The following FCRLA variants were observed in gnomAD, a reference collection of about 807,000 sequenced individuals.
The protein encoded by FCRLA is Fc receptor-like A.
A neutral mutation model predicts 28.4 loss-of-function variants in FCRLA; 26 were observed. The ratio of observed to expected loss-of-function variants is 0.91; its 90% CI spans 0.67 to 1.27. The LOEUF is 1.27. Ranked by LOEUF, FCRLA falls within the 50% of genes most tolerant of loss-of-function variation. The pLI, the probability that FCRLA is intolerant of heterozygous loss-of-function variation, is 0.00. For missense variants in FCRLA, 422 were observed against 433.1 expected (o/e 0.97, Z 0.23); for synonymous variants, 174 against 168.5 (o/e 1.03, Z -0.25).
In FCRLA at chr1:161,710,872, C is replaced by T. The variant is rs750222286; in HGVS notation, c.192C>T (p.Ala64=). The change falls in exon 2 of 5, where the codon GCC becomes GCT. Residue 64 remains alanine, a synonymous_variant. Transcript: ENST00000236938. The part of the protein sequence containing the change: ...DAREAGFQVK[A]YTFSEPFHLI... ...GGGAAGCTGGCTTCCAGGTCAAGGC[C>T]TACACTTTCAGTGAACCCTTCCACC... 6.2e-7 allele frequency: 1 copy of T among 1,613,674 alleles called. No homozygotes were observed. The highest frequency in any genetic ancestry group is 8.5e-7 in the Non-Finnish European group (1 of 1,180,034).
intron 4 of FCRLA, 145 bp from the exon 5 acceptor site, chr1:161,712,940 C>T: frequency 1.1e-6 from 1 of 889,912 alleles, no homozygotes; most frequent in Non-Finnish European, 1.7e-6. Flanking sequence ...AAATTTGGAC[C>T]AGGAGGGACA....
In FCRLA at chr1:161,713,284, G is replaced by A. The variant is rs752291578; in HGVS notation, c.984G>A (p.Met328Ile). The A allele has an allele frequency of 6.2e-7, 1 of 1,614,192 alleles. No individual in the cohort carries two copies. The highest frequency in any genetic ancestry group is 2.2e-5 in the East Asian group (1 of 44,894). The change falls in exon 5 of 5, where the codon ATG becomes ATA. Residue 328 changes from methionine to isoleucine, a missense_variant. Met to Ile is a conservative substitution (Grantham distance 10). Around this residue, in one of 3 missense-constraint regions of FCRLA, gnomAD observed 185 missense variants for 198.1 expected, o/e 0.93. Transcript: ENST00000236938. Reference protein sequence around the residue: ...YHQMGLLLKHMQDVRVLLGHL... With the variant: ...YHQMGLLLKHIQDVRVLLGHL... ...AGATGGGCCTTCTTCTCAAACACAT[G>A]CAGGATGTGAGAGTCCTCCTCGGTC... is the stretch of plus-strand genomic sequence containing the variant.
rs900078119 is a variant in FCRLA at position 161,707,403 on chromosome 1, G to A, written c.79+60G>A. The A allele has an allele frequency of 4.0e-6, 6 of 1,506,018 alleles. No individual in the cohort carries two copies. The African/African-American group carries it at 4.2e-5, about 11-fold the overall frequency. The allele number at this position is 1,506,018 out of a possible 1,614,324, so 93.3% of individuals were successfully genotyped here. On this transcript the variant is annotated intron_variant, in intron 1 of 4. Coordinates refer to ENST00000236938, the MANE Select transcript of FCRLA (RefSeq NM_032738.4). ...GAGCTTTGCTTACCTTGGGAGAAAG[G>A]ACCAGAAGGAAAGAAACATGGACTA...
At chr1:161,707,476 G>A in intron 1 of FCRLA, 133 bp downstream of exon 1, 1 of 1,002,002 alleles carries the variant, frequency 1.0e-6, no homozygotes, top group Non-Finnish European at 1.4e-6. Flanking sequence ...AAGAAGGGTA[G>A]GTATAAGAAA....
intron 1 of FCRLA, among the ~76,000 whole-genome samples, chr1:161,708,265 G>C (rs1395984208): frequency 6.6e-6 from 1 of 152,178 alleles, no homozygotes; most frequent in Non-Finnish European, 1.5e-5. Flanking sequence ...AAACAACCCA[G>C]ACTCTTCCTT....
At chr1:161,711,083 C>G in intron 2 of FCRLA, 125 bp from the exon 3 acceptor site, 1 of 1,452,650 alleles carries the variant, frequency 6.9e-7, no homozygotes, top group Non-Finnish European at 9.3e-7. Context: ...GAAGTTGTCC[C>G]ATACTCCCAA....
intron 3 of FCRLA, 57 bp from the exon 4 acceptor site, chr1:161,711,877 G>A (rs1683118019): frequency 6.5e-7 from 1 of 1,535,770 alleles, no homozygotes; most frequent in Non-Finnish European, 8.8e-7. Context: ...TCACCTGCAT[G>A]TGTCTACCTG....
intron 4 of FCRLA, among the ~76,000 whole-genome samples, chr1:161,712,683 C>G (rs1399217351): frequency 6.6e-6 from 1 of 152,098 alleles, no homozygotes; most frequent in East Asian, 1.9e-4. Flanking sequence ...AGATGCTATC[C>G]TGAAGAGGAG....
At position 161,714,281 on chromosome 1, in the gene FCRLA, C is replaced by T. The variant is rs1683247657; in HGVS notation, c.*901C>T. On this transcript the variant is annotated 3_prime_UTR_variant, in exon 5 of 5. Coordinates refer to ENST00000236938, the MANE Select transcript of FCRLA (RefSeq NM_032738.4). ...AAACAGCTGTCGCCAAACACCGACT[C>T]TGTCGTTGCCTTGATCTTGAACTTC... The T allele has an allele frequency of 6.6e-6, 1 of 152,266 alleles. No individual in the cohort carries two copies. The highest frequency in any genetic ancestry group is 1.5e-5 in the Non-Finnish European group (1 of 68,036). The allele number at this position is 152,266 out of a possible 1,614,324, so 9.4% of individuals were successfully genotyped here. A position where few individuals can be genotyped will look rare whatever the true frequency, so the allele number is the denominator to read the frequency against.
intron 4 of FCRLA, among the ~76,000 whole-genome samples, chr1:161,712,680 A>C (rs1157843159): frequency 6.6e-6 from 1 of 152,186 alleles, no homozygotes; most frequent in African/African-American, 2.4e-5. Flanking sequence ...TGGAGATGCT[A>C]TCCTGAAGAG....
intron 3 of FCRLA, 153 bp downstream of exon 3, chr1:161,711,627 A>G (rs1683108024): frequency 2.0e-6 from 2 of 983,464 alleles, no homozygotes; most frequent in South Asian, 3.4e-5. Context: ...GAAAGGGACG[A>G]GACCTCAGCC....
rs1683206617 is a variant in FCRLA at position 161,713,328 on chromosome 1, G to A, written c.1028G>A (p.Arg343Lys). The stretch of plus-strand genomic sequence containing the variant: ...CTCGGTCACCTGCTCATGGAGTTGA[G>A]GGAATTATCTGGCCACCGGAAGCCT... ...VLLGHLLMEL[R>K]ELSGHRKPGT... Residue 343 changes from arginine to lysine, a missense_variant, in exon 5 of 5, where the codon AGG (arginine) becomes AAG (lysine). This residue lies in a region of FCRLA where 185 missense variants were observed against 198.1 expected (regional missense o/e 0.93). Coordinates refer to ENST00000236938, the MANE Select transcript of FCRLA (RefSeq NM_032738.4). 1 of 1,614,194 alleles carries A rather than the reference G, an allele frequency of 6.2e-7. No individual in the cohort carries two copies. Among genetic ancestry groups the A allele is most frequent in the African/African-American group, 1.3e-5 (1 of 75,036 alleles).
In FCRLA at chr1:161,711,981, C is replaced by T; in HGVS notation, c.547C>T (p.Gln183Ter). Residue 183 changes from glutamine (Q) to a stop codon, truncating the protein, a stop_gained, in exon 4 of 5, where the codon CAA becomes TAA. Coordinates refer to ENST00000236938, the MANE Select transcript of FCRLA (RefSeq NM_032738.4). LOFTEE classifies it high-confidence loss of function. Reference protein sequence around the residue: ...ILRAVPSAEPQAGSPMTLSCQ... With the variant: ...ILRAVPSAEP ...CAGAGCTGTACCCTCAGCTGAACCC[C>T]AAGCAGGAAGCCCCATGACCCTGAG... The T allele has an allele frequency of 1.2e-6, 2 of 1,614,068 alleles. No homozygotes were observed. The highest frequency in any genetic ancestry group is 1.7e-5 in the Admixed American group (1 of 60,018).
intron 1 of FCRLA, chr1:161,710,468 G>A (rs6427618): frequency 0.59 from 919,756 of 1,548,830 alleles, 280,216 homozygotes; most frequent in Middle Eastern, 0.62. Flanking sequence ...CTGGTTTCCC[G>A]TACCAGCAGC....
At position 161,711,855 on chromosome 1, in the gene FCRLA, C is replaced by T. The variant is rs574998520; in HGVS notation, c.500-79C>T. 47 of 1,484,552 alleles carry T rather than the reference C, an allele frequency of 3.2e-5. No individual in the cohort carries two copies. In the South Asian group the frequency reaches 6.3e-4, roughly 20 times the overall value. The allele number at this position is 1,484,552 out of a possible 1,614,324, so 92.0% of individuals were successfully genotyped here. On this transcript the variant is annotated intron_variant, in intron 3 of 4. Coordinates refer to ENST00000236938, the MANE Select transcript of FCRLA (RefSeq NM_032738.4). ...GAAACAGGGGAAAGGAAGTATGACT[C>T]CCCAAGTCTCTTCACCTGCATGTGT...
In FCRLA at chr1:161,713,487, C is replaced by A; in HGVS notation, c.*107C>A. ...GCATAAGTACTTTTACAAGTTGTCC[C>A]AGTGTTTTGTTAGAATAATGTAGTT... is the stretch of plus-strand genomic sequence containing the variant. On this transcript the variant is annotated 3_prime_UTR_variant, in exon 5 of 5. Coordinates refer to ENST00000236938, the MANE Select transcript of FCRLA (RefSeq NM_032738.4). 2 of 927,758 alleles carry A rather than the reference C, an allele frequency of 2.2e-6. No individual in the cohort carries two copies. Among genetic ancestry groups the A allele is most frequent in the African/African-American group, 1.7e-5 (1 of 60,462 alleles). 57.5% of individuals were successfully genotyped at this position (927,758 alleles called of 1,614,324 possible).
intron 1 of FCRLA, among the ~76,000 whole-genome samples, chr1:161,708,046 C>A (rs1308178990): frequency 6.6e-6 from 1 of 152,132 alleles, no homozygotes; most frequent in African/African-American, 2.4e-5. Context: ...ATCATATCCC[C>A]AACCCTAACC....
At chr1:161,712,353 G>T (rs1683146192) in intron 4 of FCRLA, 135 bp downstream of exon 4, 1 of 1,021,844 alleles carries the variant, frequency 9.8e-7, no homozygotes, top group Non-Finnish European at 1.4e-6. Context: ...CAGGAACAAT[G>T]GGCCAGAATC....
chr1:161,707,273 G>A lies in FCRLA; in HGVS notation c.9G>A (p.Leu3=). Residue 3 remains leucine (L), a synonymous_variant, in exon 1 of 5, where the codon CTG becomes CTA. Transcript: ENST00000236938. ...ACCTAAACACAGTCACCATGAAGCT[G>A]GGCTGTGTCCTCATGGCCTGGGCCC... MK[L]GCVLMAWALY... 6.2e-7 allele frequency: 1 copy of A among 1,613,952 alleles called. No homozygotes were observed. Among genetic ancestry groups the A allele is most frequent in the Admixed American group, 1.7e-5 (1 of 60,024 alleles).
Sources: gnomAD v4.1 joint callset for allele counts (sites outside exome capture counted in the v4.1 genomes callset) on GRCh38, gnomAD v4.1.1 for gene constraint, gnomAD v4.1.1 regional missense constraint, MANE v1.5 for transcripts, NCBI Gene and HGNC (gene_info 2026-07-23, HGNC 2026-07-21) for gene names.